Variants in TNS3 observed in about 807,000 individuals in gnomAD.
The protein encoded by TNS3 is tensin 3, also known as tensin-3.
TNS3 carries 45 observed loss-of-function variants against 140.9 expected under a neutral mutation model. That is an observed-to-expected ratio of 0.32 (90% CI 0.25 to 0.41). The LOEUF is 0.41. Among genes scored for constraint, TNS3 ranks in the 10% least tolerant of loss-of-function variants. The pLI, the probability that TNS3 is intolerant of heterozygous loss-of-function variation, is 1.00. For missense variants in TNS3, 1,716 were observed against 1,906.7 expected, an observed-to-expected ratio of 0.90 and a Z score of 1.86; for synonymous variants, 815 against 788.4, an observed-to-expected ratio of 1.03 and a Z score of -0.56.
intron 18 of TNS3, among the ~76,000 whole-genome samples, chr7:47,345,775 G>A (rs1024929862): frequency 1.1e-4 from 17 of 152,346 alleles, no homozygotes; most frequent in African/African-American, 4.1e-4. Context: ...GGAAGGCTGT[G>A]TGTGCCACTG....
intron 6 of TNS3, among the ~76,000 whole-genome samples, chr7:47,439,239 G>A (rs986737906): frequency 1.3e-5 from 2 of 152,222 alleles, no homozygotes; most frequent in African/African-American, 4.8e-5. Context: ...ATGAGTGCAG[G>A]ACAAGGCAAC....
intron 20 of TNS3, among the ~76,000 whole-genome samples, chr7:47,309,806 C>T: frequency 6.6e-6 from 1 of 152,216 alleles, no homozygotes; most frequent in East Asian, 1.9e-4. Context: ...AGCTCAAAGC[C>T]AGTACTAGAA....
At chr7:47,488,163 A>G (rs930396190) in intron 3 of TNS3, among the ~76,000 whole-genome samples, 3 of 152,166 alleles carry the variant, frequency 2.0e-5, no homozygotes, top group African/African-American at 7.2e-5. Context: ...TAATTCACCC[A>G]TTAGTTAAGA....
chr7:47,560,746 T>A (rs1800304427), intron 1 of TNS3, among the ~76,000 whole-genome samples: 1 of 152,134 alleles, frequency 6.6e-6, no homozygotes, highest in Admixed American at 6.5e-5. Flanking sequence ...CCCAGAACAG[T>A]GTCCTTTCTG....
intron 3 of TNS3, among the ~76,000 whole-genome samples, chr7:47,485,724 G>T (rs1056578479): frequency 3.3e-5 from 5 of 152,222 alleles, no homozygotes; most frequent in African/African-American, 1.2e-4. Context: ...CCTTCTTTCA[G>T]CTATCCTGGG....
intron 2 of TNS3, among the ~76,000 whole-genome samples, chr7:47,515,666 C>T (rs1418883877): frequency 6.6e-6 from 1 of 152,090 alleles, no homozygotes; most frequent in African/African-American, 2.4e-5. Context: ...CCATCCCCAT[C>T]AACACCATCA....
chr7:47,519,442 G>C (rs1798889958), intron 2 of TNS3, among the ~76,000 whole-genome samples: 1 of 152,132 alleles, frequency 6.6e-6, no homozygotes, highest in Non-Finnish European at 1.5e-5. Flanking sequence ...ATACACATTT[G>C]GAAGGAAACA....
intron 16 of TNS3, among the ~76,000 whole-genome samples, chr7:47,384,146 C>T (rs1456702484): frequency 6.6e-6 from 1 of 152,240 alleles, no homozygotes; most frequent in Non-Finnish European, 1.5e-5. Flanking sequence ...AGGACTCATC[C>T]TCCTGAGCTG....
chr7:47,488,345 G>A (rs576330993), intron 3 of TNS3, among the ~76,000 whole-genome samples: 26 of 152,298 alleles, frequency 1.7e-4, no homozygotes, highest in Admixed American at 1.7e-3. Context: ...GTAAGGGGCG[G>A]CTGTTGTAAC....
chr7:47,450,572 C>T lies in TNS3; in HGVS notation c.-75-8517G>A, dbSNP rs189601987. Among the ~76,000 whole-genome samples the T allele has an allele frequency of 5.9e-5, 9 of 152,366 alleles. No homozygotes were observed. The East Asian group carries it at 1.7e-3, about 29-fold the overall frequency. ...CTTTAAGAAGCAGTCCCCTTAGCAT[C>T]TCTGCCTCCCTAAGACCCAAGACCC... On this transcript the variant is annotated intron_variant, in intron 4 of 30. Coordinates refer to ENST00000311160, the MANE Select transcript of TNS3 (RefSeq NM_022748.12).
chr7:47,414,961 G>A lies in TNS3; in HGVS notation c.586+133C>T, dbSNP rs527880778. On this transcript the variant is annotated intron_variant, in intron 11 of 30. Transcript: ENST00000311160. ...CCACTGAAGGGGGACCCAGTCAATCGCCAGGGAGGCAGAGGAGCAGATCCT... is the reference window on the plus strand; with the variant it reads ...CCACTGAAGGGGGACCCAGTCAATCACCAGGGAGGCAGAGGAGCAGATCCT... 1.7e-4 allele frequency: 115 copies of A among 662,220 alleles called. No homozygotes were observed. In the South Asian group the frequency reaches 1.9e-3, roughly 11 times the overall value. The allele number at this position is 662,220 out of a possible 1,614,324, so 41.0% of individuals were successfully genotyped here. A position where few individuals can be genotyped will look rare whatever the true frequency, so the allele number is the denominator to read the frequency against.
At chr7:47,343,697 G>T (rs1193150027) in intron 20 of TNS3, among the ~76,000 whole-genome samples, 1 of 152,198 alleles carries the variant, frequency 6.6e-6, no homozygotes, top group African/African-American at 2.4e-5. Context: ...ATGCATATTG[G>T]AACATACACA....
At chr7:47,553,994 G>T (rs13229549) in intron 1 of TNS3, among the ~76,000 whole-genome samples, 1 of 151,748 alleles carries the variant, frequency 6.6e-6, no homozygotes, top group Admixed American at 6.6e-5. Context: ...TAGTAGAGAC[G>T]GGGTTTCACC....
intron 23 of TNS3, among the ~76,000 whole-genome samples, chr7:47,299,089 G>A (rs78281225): frequency 0.034 from 5,201 of 152,280 alleles, 115 homozygotes; most frequent in Non-Finnish European, 0.052. Context: ...TTCTCACAGC[G>A]TAGTCTATAA....
Position 47,437,410 on chromosome 7 carries a change from T to C in TNS3, c.151-97A>G, listed in dbSNP as rs1394939614. 6.2e-6 allele frequency: 3 copies of C among 480,736 alleles called. No homozygotes were observed. The East Asian group carries it at 1.7e-4, about 27-fold the overall frequency. The allele number at this position is 480,736 out of a possible 1,614,324, so 29.8% of individuals were successfully genotyped here. ...TATTTAATTTTAATTAATACTAATT[T>C]TTTAAAAAAATATCTAAAATCTTCA... On this transcript the variant is annotated intron_variant, in intron 6 of 30. Coordinates refer to ENST00000311160, the MANE Select transcript of TNS3 (RefSeq NM_022748.12).
intron 8 of TNS3, among the ~76,000 whole-genome samples, chr7:47,431,397 T>C (rs112298276): frequency 3.3e-5 from 5 of 151,858 alleles, no homozygotes; most frequent in African/African-American, 4.8e-5. Flanking sequence ...GATCAAGACC[T>C]TCCTGGCCAA....
intron 4 of TNS3, among the ~76,000 whole-genome samples, chr7:47,474,873 T>C (rs1207538748): frequency 5.4e-5 from 5 of 92,578 alleles, no homozygotes; most frequent in African/African-American, 8.9e-5. Context: ...ACACAACACT[T>C]CACACACAAC....
Position 47,539,556 on chromosome 7 carries a change from G to A in TNS3, c.-264-10409C>T, listed in dbSNP as rs145575464. On this transcript the variant is annotated intron_variant, in intron 1 of 30. Coordinates refer to ENST00000311160, the MANE Select transcript of TNS3 (RefSeq NM_022748.12). ...ACACTCCAGGGTCCTTCTGCTCTGCGCCCTTGGGCTCACTTGGGGCTTCTC... is the reference window on the plus strand; with the variant it reads ...ACACTCCAGGGTCCTTCTGCTCTGCACCCTTGGGCTCACTTGGGGCTTCTC... 1,344 of 181,358 alleles carry A rather than the reference G, an allele frequency of 7.4e-3. 21 individuals carry two copies. The highest frequency in any genetic ancestry group is 0.03 in the African/African-American group (1,272 of 42,636). The allele number at this position is 181,358 out of a possible 1,614,324, so 11.2% of individuals were successfully genotyped here.
Position 47,396,908 on chromosome 7 carries a change from C to A in TNS3, c.920-4G>T, listed in dbSNP as rs148231271. 6.2e-7 allele frequency: 1 copy of A among 1,609,062 alleles called. No individual in the cohort carries two copies. Among genetic ancestry groups the A allele is most frequent in the Non-Finnish European group, 8.5e-7 (1 of 1,175,306 alleles). On this transcript the variant is annotated splice_region_variant and splice_polypyrimidine_tract_variant and intron_variant, in intron 15 of 30. Transcript: ENST00000311160. Reference sequence around the variant, plus strand: ...TCGTTGTACAAGTGTTCGGACCCTGCACAGAGCACAGGCAGCAACATTAGT... The same window carrying A: ...TCGTTGTACAAGTGTTCGGACCCTGAACAGAGCACAGGCAGCAACATTAGT...
Sources: allele counts gnomAD v4.1 joint callset (sites outside exome capture counted in the v4.1 genomes callset), GRCh38; gene constraint gnomAD v4.1.1; transcripts MANE v1.5; gene names NCBI Gene and HGNC (gene_info 2026-07-23, HGNC 2026-07-21).